Variants in MAMDC2 observed in about 807,000 individuals in gnomAD.
MAMDC2 encodes the protein MAM domain-containing protein 2.
In MAMDC2, 57 loss-of-function variants were observed where a neutral mutation model predicts 89.8. The ratio of observed to expected loss-of-function variants is 0.63; its 90% CI spans 0.51 to 0.79. MAMDC2 has a LOEUF of 0.79. Among genes scored for constraint, MAMDC2 ranks in the 30% least tolerant of loss-of-function variants. The probability of loss-of-function intolerance (pLI) is 0.00; values close to 1 mark genes in which losing one functional copy is unlikely to be tolerated. For synonymous variants in MAMDC2, 313 were observed against 293.4 expected (o/e 1.07, Z -0.68); for missense variants, 800 against 820.6 (o/e 0.97, Z 0.31).
At position 70,140,164 on chromosome 9, in the gene MAMDC2, G is replaced by T; in HGVS notation, c.1014G>T (p.Val338=). ...GCTCAGAACTTCTGTTCAGTGCCGT[G>T]GAAGCCAGCTGCAATTTTGAGCAAG... ...QNQTELLFSA[V]EASCNFEQDL... is the part of the protein sequence containing the mutation. Residue 338 remains valine (V), a synonymous_variant, in exon 8 of 14, where the codon GTG becomes GTT. Coordinates refer to ENST00000377182, the MANE Select transcript of MAMDC2 (RefSeq NM_153267.5). The T allele has an allele frequency of 6.3e-7, 1 of 1,592,616 alleles. No individual in the cohort carries two copies. The highest frequency in any genetic ancestry group is 2.3e-5 in the East Asian group (1 of 43,930).
At chr9:70,145,903 A>C (rs1036077444) in intron 9 of MAMDC2, among the ~76,000 whole-genome samples, 2 of 152,190 alleles carry the variant, frequency 1.3e-5, no homozygotes, top group African/African-American at 4.8e-5. Context: ...ACTACCATGC[A>C]ATGTCATGTA....
At chr9:70,207,415 CATAA>C (rs1340293701) in intron 11 of MAMDC2, among the ~76,000 whole-genome samples, 1 of 152,242 alleles carries the variant, frequency 6.6e-6, no homozygotes, top group African/African-American at 2.4e-5. Flanking sequence ...CTGTTGACTG[CATAA>C]ATGTCTTCTT....
At chr9:70,102,860 C>G (rs752207610) in intron 2 of MAMDC2, among the ~76,000 whole-genome samples, 4 of 152,210 alleles carry the variant, frequency 2.6e-5, no homozygotes, top group Admixed American at 6.5e-5. Flanking sequence ...TCCAACACTG[C>G]GGTTGGTAAA....
At chr9:70,190,740 A>G (rs2118600452) in intron 11 of MAMDC2, among the ~76,000 whole-genome samples, 1 of 152,232 alleles carries the variant, frequency 6.6e-6, no homozygotes, top group South Asian at 2.1e-4. Context: ...AGGCAGCTGC[A>G]ATGTTAAACA....
intron 5 of MAMDC2, among the ~76,000 whole-genome samples, chr9:70,117,135 C>T (rs2118295442): frequency 6.6e-6 from 1 of 152,302 alleles, no homozygotes; most frequent in South Asian, 2.1e-4. Context: ...GACGCTTCTT[C>T]ATTGATCATT....
At position 70,218,440 on chromosome 9, in the gene MAMDC2, T is replaced by C. The variant is rs760620458; in HGVS notation, c.1755T>C (p.Phe585=). ...TCTCTGGAAAACACTGCTTGACCTT[T>C]TTCTACCACATGTATGGAGGGGGCA... ...RGVSGKHCLT[F]FYHMYGGGTG... is the part of the protein sequence containing the mutation. Residue 585 remains phenylalanine (F), a synonymous_variant, in exon 12 of 14, where the codon TTT becomes TTC. Coordinates refer to ENST00000377182, the MANE Select transcript of MAMDC2 (RefSeq NM_153267.5). 1.8e-5 allele frequency: 29 copies of C among 1,614,084 alleles called. No individual in the cohort carries two copies. Among genetic ancestry groups the C allele is most frequent in the Non-Finnish European group, 2.4e-5 (28 of 1,180,044 alleles).
chr9:70,060,383 G>A (rs1025579754), intron 2 of MAMDC2, among the ~76,000 whole-genome samples: 2 of 152,292 alleles, frequency 1.3e-5, no homozygotes, highest in African/African-American at 2.4e-5. Flanking sequence ...AGATGAGCTC[G>A]AGCATCATGG....
Position 70,226,056 on chromosome 9 carries a change from T to A in MAMDC2, c.*24T>A. 1 of 1,383,782 alleles carries A rather than the reference T, an allele frequency of 7.2e-7. No homozygotes were observed. Among genetic ancestry groups the A allele is most frequent in the Non-Finnish European group, 1.0e-6 (1 of 997,526 alleles). 85.7% of individuals were successfully genotyped at this position (1,383,782 alleles called of 1,614,324 possible). On this transcript the variant is annotated 3_prime_UTR_variant, in exon 14 of 14. Transcript: ENST00000377182. ...AAGAAATGATCTGCATTGGATTTAC[T>A]AGACGAAAACCATACCTCTCTTCAA...
At chr9:70,174,943 C>A (rs2032451913) in intron 11 of MAMDC2, among the ~76,000 whole-genome samples, 1 of 152,114 alleles carries the variant, frequency 6.6e-6, no homozygotes, top group African/African-American at 2.4e-5. Flanking sequence ...TCAGACTGGT[C>A]TTGAACTCCT....
At chr9:70,119,816 T>A (rs2030202145) in intron 5 of MAMDC2, among the ~76,000 whole-genome samples, 1 of 152,188 alleles carries the variant, frequency 6.6e-6, no homozygotes, top group South Asian at 2.1e-4. Flanking sequence ...AGGGTGGGGA[T>A]GGAACAGAAA....
chr9:70,215,123 G>C (rs1308783424), intron 11 of MAMDC2, among the ~76,000 whole-genome samples: 3 of 152,160 alleles, frequency 2.0e-5, no homozygotes, highest in Non-Finnish European at 4.4e-5. Context: ...GGTCAGGAAA[G>C]AGAGAGTGGA....
intron 12 of MAMDC2, among the ~76,000 whole-genome samples, chr9:70,222,552 T>C (rs1245455763): frequency 6.6e-6 from 1 of 152,134 alleles, no homozygotes; most frequent in Non-Finnish European, 1.5e-5. Flanking sequence ...GAAAAAGAAA[T>C]GCATCAAACG....
chr9:70,206,355 T>A (rs564038406), intron 11 of MAMDC2, among the ~76,000 whole-genome samples: 1 of 152,326 alleles, frequency 6.6e-6, no homozygotes, highest in East Asian at 1.9e-4. Flanking sequence ...CACAGGTATA[T>A]GTGTACAGGA....
Position 70,225,800 on chromosome 9 carries a change from T to C in MAMDC2, c.1962T>C (p.Ile654=), listed in dbSNP as rs200027132. The stretch of plus-strand genomic sequence containing the variant: ...TATCAATAAGAAGTGATATTGCCAT[T>C]GATGATGTTAAATTTCAGGCAGGAC... ...RGVSIRSDIA[I]DDVKFQAGPC... The change falls in exon 13 of 14, where the codon ATT becomes ATC. Residue 654 remains isoleucine, a synonymous_variant. Coordinates refer to ENST00000377182, the MANE Select transcript of MAMDC2 (RefSeq NM_153267.5). The C allele has an allele frequency of 1.4e-5, 23 of 1,611,240 alleles. No individual in the cohort carries two copies. The highest frequency in any genetic ancestry group is 1.9e-5 in the Non-Finnish European group (22 of 1,177,742).
At chr9:70,148,328 C>G (rs1184973610) in intron 9 of MAMDC2, among the ~76,000 whole-genome samples, 1 of 150,162 alleles carries the variant, frequency 6.7e-6, no homozygotes, top group Non-Finnish European at 1.5e-5. Flanking sequence ...GGTTAGGGTT[C>G]CCTGGCATCC....
At chr9:70,072,531 A>G (rs928692181) in intron 2 of MAMDC2, among the ~76,000 whole-genome samples, 3 of 152,200 alleles carry the variant, frequency 2.0e-5, no homozygotes, top group Non-Finnish European at 4.4e-5. Flanking sequence ...TACCAGCCAT[A>G]ATTCATTGAA....
At chr9:70,180,656 ATCT>A (rs1463879468) in intron 11 of MAMDC2, among the ~76,000 whole-genome samples, 4 of 152,180 alleles carry the variant, frequency 2.6e-5, no homozygotes, top group Admixed American at 2.0e-4. Flanking sequence ...CTGCATAAAC[ATCT>A]TCTTTTGAGA....
intron 2 of MAMDC2, among the ~76,000 whole-genome samples, chr9:70,047,427 C>G (rs750635315): frequency 3.9e-5 from 6 of 152,100 alleles, no homozygotes; most frequent in African/African-American, 1.4e-4. Flanking sequence ...TGTTCAACTC[C>G]CACTTATGAG....
intron 5 of MAMDC2, among the ~76,000 whole-genome samples, chr9:70,118,103 T>C (rs149920649): frequency 6.6e-6 from 1 of 152,238 alleles, no homozygotes; most frequent in Non-Finnish European, 1.5e-5. Context: ...GTTTATTTTA[T>C]ATTTGGAGAG....
Sources: gnomAD v4.1 joint callset for allele counts (sites outside exome capture counted in the v4.1 genomes callset) on GRCh38, gnomAD v4.1.1 for gene constraint, MANE v1.5 for transcripts, NCBI Gene and HGNC (gene_info 2026-07-23, HGNC 2026-07-21) for gene names.